MAGI3: variants seen among roughly 807,000 people sequenced by gnomAD.
MAGI3 encodes membrane-associated guanylate kinase, WW and PDZ domain-containing protein 3.
Under a neutral mutation model 121.8 loss-of-function variants are expected in MAGI3, and 43 were observed. The observed-to-expected ratio is 0.35, with a 90% CI of 0.28 to 0.46. The LOEUF (loss-of-function observed/expected upper bound fraction) is 0.46, where lower values mean the gene tolerates loss of function less well. MAGI3 is among the 20% of genes least tolerant of loss of function. The pLI, the probability that MAGI3 is intolerant of heterozygous loss-of-function variation, is 1.00. For synonymous variants in MAGI3, 553 were observed against 639.3 expected (o/e 0.86, Z 2.04); for missense variants, 1,547 against 1,797.3 (o/e 0.86, Z 2.52).
intron 20 of MAGI3, chr1:113,682,174 T>C: frequency 6.4e-7 from 1 of 1,572,892 alleles, no homozygotes; most frequent in South Asian, 1.2e-5. Flanking sequence ...TTTTTTTTTT[T>C]TTCACATAGT....
At chr1:113,419,689 A>AAG (rs1652636012) in intron 1 of MAGI3, among the ~76,000 whole-genome samples, 1 of 152,166 alleles carries the variant, frequency 6.6e-6, no homozygotes, top group Non-Finnish European at 1.5e-5. Flanking sequence ...TTGGTTTGCA[A>AAG]AGAGAGTGAT....
At chr1:113,484,858 G>C (rs72687949) in intron 1 of MAGI3, among the ~76,000 whole-genome samples, 2 of 150,722 alleles carry the variant, frequency 1.3e-5, no homozygotes, top group African/African-American at 4.9e-5. Flanking sequence ...CCAGGTAGCT[G>C]GGACTACAGG....
rs1318449149 is a variant in MAGI3, at chr1:113,671,736, C to A, written c.2818C>A (p.His940Asn). 2.5e-6 allele frequency: 4 copies of A among 1,614,034 alleles called. No homozygotes were observed. Among genetic ancestry groups the A allele is most frequent in the Non-Finnish European group, 2.5e-6 (3 of 1,179,854 alleles). Residue 940 changes from histidine (H) to asparagine (N), a missense_variant and splice_region_variant, in exon 17 of 21, where the codon CAT becomes AAT. By Grantham distance (68) the His-to-Asn change is moderately conservative. Coordinates refer to ENST00000307546, the MANE Select transcript of MAGI3 (RefSeq NM_001142782.2). ...VTLTVIAEEE[H>N]HGPPSGTNSA... Reference sequence around the variant, plus strand: ...CTATTGTTTTCTCATTTGAACAGAGCATCATGGTCCACCATCAGGAACAAA... The same window carrying A: ...CTATTGTTTTCTCATTTGAACAGAGAATCATGGTCCACCATCAGGAACAAA...
At chr1:113,518,160 A>G (rs989733049) in intron 1 of MAGI3, among the ~76,000 whole-genome samples, 4 of 152,026 alleles carry the variant, frequency 2.6e-5, no homozygotes, top group African/African-American at 9.7e-5. Context: ...CTAAGCTCCT[A>G]GAGTGCAAAG....
At chr1:113,409,729 C>T (rs1374723965) in intron 1 of MAGI3, among the ~76,000 whole-genome samples, 2 of 152,104 alleles carry the variant, frequency 1.3e-5, no homozygotes, top group African/African-American at 2.4e-5. Context: ...TGTCTAGTCT[C>T]AGCATCCTTT....
chr1:113,570,762 G>GT (rs201692562), intron 2 of MAGI3, among the ~76,000 whole-genome samples: 9,896 of 152,078 alleles, frequency 0.065, 363 homozygotes, highest in Non-Finnish European at 0.075. Flanking sequence ...ATGTAAATTT[G>GT]TTTAAGTTCC....
At chr1:113,570,406 C>T (rs1647229390) in intron 2 of MAGI3, among the ~76,000 whole-genome samples, 1 of 152,092 alleles carries the variant, frequency 6.6e-6, no homozygotes, top group Non-Finnish European at 1.5e-5. Context: ...AGTATATACC[C>T]AGTAATGGAA....
chr1:113,549,404 C>T, intron 1 of MAGI3, 111 bp from the exon 2 acceptor site: 9 of 517,698 alleles, frequency 1.7e-5, no homozygotes, highest in Admixed American at 3.8e-5. Context: ...TTTCTTTATC[C>T]TGTTTATAGC....
intron 1 of MAGI3, among the ~76,000 whole-genome samples, chr1:113,468,215 A>C (rs1422376840): frequency 6.6e-6 from 1 of 152,138 alleles, no homozygotes; most frequent in Non-Finnish European, 1.5e-5. Context: ...ATTTACATTC[A>C]GTGTTATTAT....
At chr1:113,590,332 T>A in intron 4 of MAGI3, 152 bp from the exon 5 acceptor site, 2 of 725,076 alleles carry the variant, frequency 2.8e-6, no homozygotes, top group Non-Finnish European at 2.3e-6. Context: ...AATATGTTGG[T>A]TATTTTAAAA....
At chr1:113,531,284 T>C (rs1323707099) in intron 1 of MAGI3, among the ~76,000 whole-genome samples, 1 of 152,206 alleles carries the variant, frequency 6.6e-6, no homozygotes, top group Non-Finnish European at 1.5e-5. Flanking sequence ...AGAACACAAA[T>C]TCTTTTTCAG....
At chr1:113,451,036 C>G (rs1654460158) in intron 1 of MAGI3, among the ~76,000 whole-genome samples, 1 of 152,052 alleles carries the variant, frequency 6.6e-6, no homozygotes, top group Admixed American at 6.6e-5. Context: ...TTTTCTTTTT[C>G]TTTTCATTAC....
chr1:113,598,659 TAGAGCCCCC>T (rs1649173012), intron 6 of MAGI3, among the ~76,000 whole-genome samples: 1 of 152,030 alleles, frequency 6.6e-6, no homozygotes, highest in East Asian at 1.9e-4. Context: ...CCCCTAACTC[TAGAGCCCCC>T]AGATTCATGA....
At chr1:113,602,197 A>G (rs1427175578) in intron 6 of MAGI3, among the ~76,000 whole-genome samples, 1 of 152,122 alleles carries the variant, frequency 6.6e-6, no homozygotes. Context: ...CATTGTGCAC[A>G]TGTACCCTAA....
At chr1:113,641,137 TGATATATAAATATATATG>T in intron 9 of MAGI3, among the ~76,000 whole-genome samples, 1 of 52,366 alleles carries the variant, frequency 1.9e-5, no homozygotes, top group South Asian at 5.5e-4. Flanking sequence ...ATTATATATA[TGATATATAAATATATATG>T]AGATATATAT....
intron 1 of MAGI3, among the ~76,000 whole-genome samples, chr1:113,399,866 A>G (rs1203064106): frequency 6.6e-6 from 1 of 152,166 alleles, no homozygotes; most frequent in African/African-American, 2.4e-5. Flanking sequence ...ATGAAATTCT[A>G]AACGAATTAC....
intron 8 of MAGI3, among the ~76,000 whole-genome samples, chr1:113,622,410 C>T (rs548995974): frequency 3.9e-5 from 6 of 152,162 alleles, no homozygotes; most frequent in South Asian, 2.1e-4. Flanking sequence ...AAGCTATTTA[C>T]TGATAGTAAA....
chr1:113,546,999 C>T (rs1249383614), intron 1 of MAGI3, among the ~76,000 whole-genome samples: 4 of 150,738 alleles, frequency 2.7e-5, no homozygotes, highest in Admixed American at 6.6e-5. Flanking sequence ...AGGAGAATGG[C>T]GTGAACCCAG....
chr1:113,649,149 C>A, intron 12 of MAGI3, 88 bp from the exon 13 acceptor site: 1 of 941,140 alleles, frequency 1.1e-6, no homozygotes, highest in Non-Finnish European at 1.5e-6. Flanking sequence ...TTGAGTTACT[C>A]TATAATATCC....
Sources: gnomAD v4.1 joint callset for allele counts (sites outside exome capture counted in the v4.1 genomes callset) on GRCh38, gnomAD v4.1.1 for gene constraint, MANE v1.5 for transcripts, NCBI Gene and HGNC (gene_info 2026-07-23, HGNC 2026-07-21) for gene names.